The following SMIM8 variants were observed in gnomAD, a reference collection of about 807,000 sequenced individuals.
SMIM8 encodes the protein small integral membrane protein 8.
A neutral mutation model predicts 8.1 loss-of-function variants in SMIM8; 8 were observed. The ratio of observed to expected loss-of-function variants is 0.99; its 90% CI spans 0.58 to 1.78. The LOEUF (loss-of-function observed/expected upper bound fraction) is 1.78, where lower values mean the gene tolerates loss of function less well. Among genes scored for constraint, SMIM8 ranks in the 40% most tolerant of loss-of-function variants. The pLI, the probability that SMIM8 is intolerant of heterozygous loss-of-function variation, is 0.00. For synonymous variants in SMIM8, 45 were observed against 39.7 expected (o/e 1.13, Z -0.50); for missense variants, 126 against 119.8 (o/e 1.05, Z -0.24).
chr6:87,338,484 T>C (rs1777157570), intron 3 of SMIM8, among the ~76,000 whole-genome samples: 1 of 152,234 alleles, frequency 6.6e-6, no homozygotes, highest in Non-Finnish European at 1.5e-5. Context: ...TTAGTAATTA[T>C]ACATTGTTGA....
At chr6:87,328,787 G>A (rs946029675) in intron 1 of SMIM8, among the ~76,000 whole-genome samples, 5 of 152,190 alleles carry the variant, frequency 3.3e-5, no homozygotes, top group African/African-American at 7.2e-5. Context: ...CACCCAGTTC[G>A]AGCTTCCCAG....
intron 2 of SMIM8, among the ~76,000 whole-genome samples, chr6:87,332,320 C>CATATATATATATATATATATAT (rs1209129014): frequency 6.4e-5 from 6 of 93,104 alleles, no homozygotes; most frequent in Admixed American, 1.8e-4. Flanking sequence ...CCTCCCCCCC[C>CATATATATATATATATATATAT]ATATATGTAT....
intron 1 of SMIM8, among the ~76,000 whole-genome samples, chr6:87,328,082 T>A (rs1317107168): frequency 1.3e-5 from 2 of 152,240 alleles, no homozygotes; most frequent in Non-Finnish European, 2.9e-5. Flanking sequence ...CACGTAGTTC[T>A]TGAGCCTTGG....
Position 87,339,048 on chromosome 6 carries a change from G to C in SMIM8, c.136-1068G>C, listed in dbSNP as rs561792017. 4.0e-5 allele frequency among the ~76,000 whole-genome samples: 6 copies of C among 151,680 alleles called. No individual in the cohort carries two copies. The South Asian group carries it at 1.0e-3, about 26-fold the overall frequency. On this transcript the variant is annotated intron_variant, in intron 3 of 3. Coordinates refer to ENST00000392863, the MANE Select transcript of SMIM8 (RefSeq NM_001042493.3). The stretch of plus-strand genomic sequence containing the variant: ...ATCTCTACAAAAAAATTTAAAATTA[G>C]TCTGGCCACAGTGGCTCACACCAAG...
At chr6:87,327,249 A>T (rs1413692779) in intron 1 of SMIM8, among the ~76,000 whole-genome samples, 2 of 145,988 alleles carry the variant, frequency 1.4e-5, no homozygotes, top group African/African-American at 5.2e-5. Flanking sequence ...TTTTAATTGG[A>T]GCATTTAGTC....
chr6:87,331,117 A>G (rs1290508018), intron 2 of SMIM8, among the ~76,000 whole-genome samples: 1 of 152,218 alleles, frequency 6.6e-6, no homozygotes, highest in Admixed American at 6.5e-5. Flanking sequence ...AGATCCTCAA[A>G]GTGATAATAA....
At chr6:87,328,316 A>C (rs1282690587) in intron 1 of SMIM8, among the ~76,000 whole-genome samples, 3 of 152,048 alleles carry the variant, frequency 2.0e-5, no homozygotes, top group Non-Finnish European at 4.4e-5. Context: ...CCTTTGGAGG[A>C]GGAGAGGCAC....
intron 2 of SMIM8, among the ~76,000 whole-genome samples, chr6:87,331,182 CAAAAAGT>C (rs1776987661): frequency 6.6e-6 from 1 of 152,152 alleles, no homozygotes; most frequent in African/African-American, 2.4e-5. Flanking sequence ...GCAGTGGAAA[CAAAAAGT>C]AAGAGAAGAA....
chr6:87,336,365 C>G (rs1489984346), intron 2 of SMIM8, among the ~76,000 whole-genome samples: 1 of 152,160 alleles, frequency 6.6e-6, no homozygotes, highest in Non-Finnish European at 1.5e-5. Context: ...GATAGATTTA[C>G]AGTAGCTAAG....
chr6:87,329,950 C>T (rs1297010795), intron 1 of SMIM8, among the ~76,000 whole-genome samples: 1 of 152,168 alleles, frequency 6.6e-6, no homozygotes, highest in Non-Finnish European at 1.5e-5. Flanking sequence ...TAGTACCTAT[C>T]TATGCAATAG....
At chr6:87,326,358 T>G (rs955254487) in intron 1 of SMIM8, among the ~76,000 whole-genome samples, 12 of 152,220 alleles carry the variant, frequency 7.9e-5, no homozygotes, top group African/African-American at 2.2e-4. Flanking sequence ...ATTGTGATGT[T>G]AGGGTGTCAA....
At chr6:87,325,401 GT>G in intron 1 of SMIM8, among the ~76,000 whole-genome samples, 1 of 146,458 alleles carries the variant, frequency 6.8e-6, no homozygotes, top group Non-Finnish European at 1.5e-5. Context: ...TTGGCTGTGG[GT>G]TTGTCATAGA....
chr6:87,325,261 C>T (rs1162093009), intron 1 of SMIM8, among the ~76,000 whole-genome samples: 1 of 149,274 alleles, frequency 6.7e-6, no homozygotes, highest in Non-Finnish European at 1.5e-5. Context: ...CCTTTATTTC[C>T]TTCTCCTGCC....
At chr6:87,329,702 G>A (rs1776947114) in intron 1 of SMIM8, among the ~76,000 whole-genome samples, 1 of 151,960 alleles carries the variant, frequency 6.6e-6, no homozygotes, top group Non-Finnish European at 1.5e-5. Flanking sequence ...TAATATACAT[G>A]CAAAGGCCTT....
chr6:87,337,284 CTG>C lies in SMIM8; in HGVS notation c.135+121_135+122del, dbSNP rs1408457682. ...TTTTATGTTGACAAGTAAGACCTCT[CTG>C]TGAATAAAAGCAGGTGGAAGGACGA... On this transcript the variant is annotated intron_variant, in intron 3 of 3. Coordinates refer to ENST00000392863, the MANE Select transcript of SMIM8 (RefSeq NM_001042493.3). The C allele has an allele frequency of 9.5e-6, 11 of 1,158,182 alleles. No individual in the cohort carries two copies. In the South Asian group the frequency reaches 1.9e-4, roughly 20 times the overall value. The allele number at this position is 1,158,182 out of a possible 1,614,324, so 71.7% of individuals were successfully genotyped here.
intron 3 of SMIM8, among the ~76,000 whole-genome samples, chr6:87,338,855 A>G (rs370258139): frequency 6.6e-6 from 1 of 152,094 alleles, no homozygotes; most frequent in South Asian, 2.1e-4. Context: ...AACAAAGTTA[A>G]TAGACAAAAT....
chr6:87,332,530 A>C (rs142303153), intron 2 of SMIM8, among the ~76,000 whole-genome samples: 2,371 of 149,026 alleles, frequency 0.016, 34 homozygotes, highest in Non-Finnish European at 0.024. Context: ...TTATGTTAAT[A>C]AATTACATAT....
intron 2 of SMIM8, among the ~76,000 whole-genome samples, chr6:87,335,156 A>C (rs545030637): frequency 6.6e-6 from 1 of 152,342 alleles, no homozygotes; most frequent in South Asian, 2.1e-4. Flanking sequence ...TAATCATGAA[A>C]TGTTAGCAAA....
At position 87,340,295 on chromosome 6, in the gene SMIM8, G is replaced by A; in HGVS notation, c.*21G>A. On this transcript the variant is annotated 3_prime_UTR_variant, in exon 4 of 4. Coordinates refer to ENST00000392863, the MANE Select transcript of SMIM8 (RefSeq NM_001042493.3). ...ATTAGTAGTGCTGGTTAGTGCAGAT[G>A]GACCTTTATTAAAGGTTCTGAAATC... is the stretch of plus-strand genomic sequence containing the variant. The A allele has an allele frequency of 2.6e-6, 4 of 1,544,722 alleles. No individual in the cohort carries two copies. The highest frequency in any genetic ancestry group is 3.5e-6 in the Non-Finnish European group (4 of 1,151,776).
Sources: allele counts gnomAD v4.1 joint callset (sites outside exome capture counted in the v4.1 genomes callset), GRCh38; gene constraint gnomAD v4.1.1; transcripts MANE v1.5; gene names NCBI Gene and HGNC (gene_info 2026-07-23, HGNC 2026-07-21).